L3MBTL4: variants seen among roughly 807,000 people sequenced by gnomAD.
L3MBTL4 encodes the protein L3MBTL histone methyl-lysine binding protein 4.
A neutral mutation model predicts 84.5 loss-of-function variants in L3MBTL4; 70 were observed. That is an observed-to-expected ratio of 0.83 (90% CI 0.68 to 1.01). The LOEUF is 1.01. Among genes scored for constraint, L3MBTL4 ranks in the 50% least tolerant of loss-of-function variants. The pLI, the probability that L3MBTL4 is intolerant of heterozygous loss-of-function variation, is 0.00. For synonymous variants in L3MBTL4, 274 were observed against 259.8 expected (o/e 1.05, Z -0.52); for missense variants, 715 against 754.8 (o/e 0.95, Z 0.62).
chr18:6,163,274 T>A (rs61399092), intron 13 of L3MBTL4, among the ~76,000 whole-genome samples: 1 of 79,158 alleles, frequency 1.3e-5, no homozygotes, highest in Non-Finnish European at 2.3e-5. Flanking sequence ...GGGGGGTGGG[T>A]GTGTGTGTGT....
intron 1 of L3MBTL4, among the ~76,000 whole-genome samples, chr18:6,355,309 ATC>A (rs2053389586): frequency 6.6e-6 from 1 of 152,202 alleles, no homozygotes; most frequent in Non-Finnish European, 1.5e-5. Context: ...AAATATATAC[ATC>A]GACTATGTAC....
intron 1 of L3MBTL4, among the ~76,000 whole-genome samples, chr18:6,358,604 A>G (rs908199755): frequency 6.6e-6 from 1 of 152,150 alleles, no homozygotes; most frequent in African/African-American, 2.4e-5. Flanking sequence ...TGGTCAAGCT[A>G]CTCCAGTTCC....
chr18:6,272,390 CGGGG>C (rs2048915910), intron 4 of L3MBTL4, among the ~76,000 whole-genome samples: 1 of 146,792 alleles, frequency 6.8e-6, no homozygotes, highest in Non-Finnish European at 1.5e-5. Flanking sequence ...TTCAGGAGCA[CGGGG>C]AAAGGGGGAG....
intron 14 of L3MBTL4, among the ~76,000 whole-genome samples, chr18:6,114,792 T>C (rs1308298648): frequency 6.6e-6 from 1 of 152,240 alleles, no homozygotes. Flanking sequence ...TGCCAGGCAC[T>C]CTGTGAGGAT....
chr18:6,172,836 T>G (rs921541973), intron 12 of L3MBTL4, among the ~76,000 whole-genome samples: 6 of 152,240 alleles, frequency 3.9e-5, no homozygotes, highest in Non-Finnish European at 8.8e-5. Flanking sequence ...AGATGCCTAG[T>G]GCTGTAATAA....
intron 1 of L3MBTL4, among the ~76,000 whole-genome samples, chr18:6,372,836 C>A (rs1040559897): frequency 6.6e-6 from 1 of 152,196 alleles, no homozygotes; most frequent in Non-Finnish European, 1.5e-5. Context: ...GACTCCAATT[C>A]TTTCACTTAA....
chr18:6,250,401 T>G (rs552701455), intron 5 of L3MBTL4, among the ~76,000 whole-genome samples: 3 of 152,276 alleles, frequency 2.0e-5, no homozygotes, highest in Admixed American at 2.0e-4. Flanking sequence ...CACTCCACAT[T>G]ATGAGATCGA....
At position 6,414,126 on chromosome 18, in the gene L3MBTL4, A is replaced by T. The variant is rs1311141285; in HGVS notation, c.-91+675T>A. ...TGGCCGGCGCGCCCCCCGCAGTTCC[A>T]GGCGGTGGCAGGAGCCTGAGAGCCG... On this transcript the variant is annotated intron_variant, in intron 1 of 18. Transcript: ENST00000317931. The surrounding 1 kb of genome is among the most constrained non-coding windows in gnomAD (Gnocchi z 5.4). 1 of 152,238 alleles carries T rather than the reference A, an allele frequency of 6.6e-6. No homozygotes were observed. The highest frequency in any genetic ancestry group is 1.5e-5 in the Non-Finnish European group (1 of 68,080). 9.4% of individuals were successfully genotyped at this position (152,238 alleles called of 1,614,324 possible). A position where few individuals can be genotyped will look rare whatever the true frequency, so the allele number is the denominator to read the frequency against.
At chr18:6,336,965 G>A (rs1021001785) in intron 1 of L3MBTL4, among the ~76,000 whole-genome samples, 1 of 152,188 alleles carries the variant, frequency 6.6e-6, no homozygotes, top group Non-Finnish European at 1.5e-5. Flanking sequence ...TATCTGGAAT[G>A]TGTAAAAAGA....
chr18:6,010,943 A>G (rs2054706358), intron 16 of L3MBTL4, among the ~76,000 whole-genome samples: 1 of 152,204 alleles, frequency 6.6e-6, no homozygotes, highest in Non-Finnish European at 1.5e-5. Context: ...TTGTCAAATG[A>G]TTCAGTGACA....
intron 5 of L3MBTL4, among the ~76,000 whole-genome samples, chr18:6,253,721 A>G (rs1355853162): frequency 2.0e-5 from 3 of 152,216 alleles, no homozygotes; most frequent in Non-Finnish European, 4.4e-5. Flanking sequence ...TACAGCTCCA[A>G]TGTTCTTCCA....
At chr18:5,965,623 A>C (rs1006748639) in intron 17 of L3MBTL4, among the ~76,000 whole-genome samples, 1 of 152,112 alleles carries the variant, frequency 6.6e-6, no homozygotes. Context: ...GTGGGTAGGT[A>C]CTCACTGGGG....
At chr18:6,346,637 C>T (rs1234866926) in intron 1 of L3MBTL4, among the ~76,000 whole-genome samples, 1 of 152,008 alleles carries the variant, frequency 6.6e-6, no homozygotes. Flanking sequence ...ATAAAAACCA[C>T]AATGAGATAT....
At chr18:6,194,509 T>C (rs2045286394) in intron 12 of L3MBTL4, among the ~76,000 whole-genome samples, 1 of 152,208 alleles carries the variant, frequency 6.6e-6, no homozygotes, top group Admixed American at 6.5e-5. Flanking sequence ...GAAAGCACCG[T>C]GGGAAGTGGC....
intron 1 of L3MBTL4, among the ~76,000 whole-genome samples, chr18:6,390,565 G>A (rs1438458720): frequency 1.3e-5 from 2 of 152,036 alleles, no homozygotes; most frequent in Non-Finnish European, 2.9e-5. Context: ...AAACAAAATT[G>A]ATATACCATT....
intron 16 of L3MBTL4, chr18:6,032,036 G>A (rs1239024867): frequency 1.0e-5 from 2 of 200,570 alleles, no homozygotes; most frequent in Non-Finnish European, 1.8e-5. Flanking sequence ...GGAGTGCAGT[G>A]GTGCAATCTC....
Position 6,292,468 on chromosome 18 carries a change from C to A in L3MBTL4, c.127+9435G>T, listed in dbSNP as rs528125489. ...GAAACTGACAAGCAGGAATTTGATGCTGGATTCCAAACAAATCTGAGAAAA... is the reference window on the plus strand; with the variant it reads ...GAAACTGACAAGCAGGAATTTGATGATGGATTCCAAACAAATCTGAGAAAA... On this transcript the variant is annotated intron_variant, in intron 4 of 18. Coordinates refer to ENST00000317931, the MANE Select transcript of L3MBTL4 (RefSeq NM_001330559.2). 3.3e-5 allele frequency among the ~76,000 whole-genome samples: 5 copies of A among 152,256 alleles called. No individual in the cohort carries two copies. The East Asian group carries it at 9.7e-4, about 29-fold the overall frequency.
chr18:5,987,697 TACTAAAAA>T (rs1316799479), intron 16 of L3MBTL4, among the ~76,000 whole-genome samples: 2 of 151,802 alleles, frequency 1.3e-5, no homozygotes, highest in African/African-American at 2.4e-5. Flanking sequence ...AAACAGAATT[TACTAAAAA>T]TAGGTTAGTG....
intron 4 of L3MBTL4, among the ~76,000 whole-genome samples, chr18:6,290,666 T>A (rs1190750063): frequency 6.6e-6 from 1 of 152,154 alleles, no homozygotes. Flanking sequence ...TAGCTGGGAC[T>A]ACAGGCATAC....
Sources: allele counts gnomAD v4.1 joint callset (sites outside exome capture counted in the v4.1 genomes callset), GRCh38; gene constraint gnomAD v4.1.1; non-coding constraint Gnocchi (gnomAD v3.1); transcripts MANE v1.5; gene names NCBI Gene and HGNC (gene_info 2026-07-23, HGNC 2026-07-21).